The following ZCCHC7 variants were observed in gnomAD, a reference collection of about 807,000 sequenced individuals.
ZCCHC7 encodes zinc finger CCHC-type containing 7.
Under a neutral mutation model 52.0 loss-of-function variants are expected in ZCCHC7, and 35 were observed. The ratio of observed to expected loss-of-function variants is 0.67; its 90% CI spans 0.51 to 0.89. The LOEUF is 0.89. Ranked by LOEUF, ZCCHC7 falls within the 40% of genes least tolerant of loss-of-function variation. The probability of loss-of-function intolerance (pLI) is 0.00; values close to 1 mark genes in which losing one functional copy is unlikely to be tolerated. For missense variants in ZCCHC7, 574 were observed against 649.1 expected (o/e 0.88, Z 1.26); for synonymous variants, 217 against 221.5 (o/e 0.98, Z 0.18).
intron 2 of ZCCHC7, among the ~76,000 whole-genome samples, chr9:37,230,037 A>G (rs1354081662): frequency 2.6e-5 from 4 of 152,180 alleles, no homozygotes; most frequent in African/African-American, 9.7e-5. Flanking sequence ...TTCCACCTCC[A>G]AATCTTGTCC....
intron 2 of ZCCHC7, among the ~76,000 whole-genome samples, chr9:37,294,063 C>T (rs1828665408): frequency 6.6e-6 from 1 of 152,122 alleles, no homozygotes; most frequent in Non-Finnish European, 1.5e-5. Flanking sequence ...ACTATTGCCA[C>T]TTATACAGTG....
At chr9:37,335,337 T>C (rs544829419) in intron 6 of ZCCHC7, among the ~76,000 whole-genome samples, 2 of 152,104 alleles carry the variant, frequency 1.3e-5, no homozygotes, top group Non-Finnish European at 2.9e-5. Context: ...TTTTTTTTTA[T>C]CATAATAGAG....
At chr9:37,192,986 A>T (rs1209714128) in intron 2 of ZCCHC7, among the ~76,000 whole-genome samples, 1 of 152,200 alleles carries the variant, frequency 6.6e-6, no homozygotes, top group East Asian at 1.9e-4. Flanking sequence ...CCATTTAGTC[A>T]TGGGAAGCAC....
chr9:37,319,668 T>C lies in ZCCHC7; in HGVS notation c.952-8131T>C, dbSNP rs57753839. ...CTTGAACTCCTGGACTCAAGCGATC[T>C]GCCTACCTTGGCCTCAAGTGCTGGT... On this transcript the variant is annotated intron_variant, in intron 5 of 8. Coordinates refer to ENST00000336755, the MANE Select transcript of ZCCHC7 (RefSeq NM_032226.3). Among the ~76,000 whole-genome samples the C allele has an allele frequency of 4.4e-3, 663 of 152,278 alleles. 3 individuals are homozygous for C. The highest frequency in any genetic ancestry group is 0.015 in the African/African-American group (634 of 41,538).
At chr9:37,273,632 AATT>A (rs1388621925) in intron 2 of ZCCHC7, among the ~76,000 whole-genome samples, 5 of 152,216 alleles carry the variant, frequency 3.3e-5, no homozygotes, top group African/African-American at 1.2e-4. Flanking sequence ...ATCCTGCAGG[AATT>A]ATTATATGAA....
intron 7 of ZCCHC7, among the ~76,000 whole-genome samples, chr9:37,353,102 G>T (rs892722924): frequency 3.3e-5 from 5 of 152,242 alleles, no homozygotes; most frequent in African/African-American, 1.2e-4. Context: ...AATAAACAAT[G>T]AGTGGAAAGT....
At chr9:37,233,599 C>T (rs1024612739) in intron 2 of ZCCHC7, among the ~76,000 whole-genome samples, 7 of 152,144 alleles carry the variant, frequency 4.6e-5, no homozygotes, top group African/African-American at 1.7e-4. Context: ...TCTTTCCTCA[C>T]CTTGTTTAGT....
At chr9:37,208,016 T>A (rs1454539195) in intron 2 of ZCCHC7, among the ~76,000 whole-genome samples, 1 of 152,202 alleles carries the variant, frequency 6.6e-6, no homozygotes, top group Non-Finnish European at 1.5e-5. Context: ...TCTGTGTTAG[T>A]GGTGTTCACA....
At chr9:37,163,501 G>A (rs1162426087) in intron 2 of ZCCHC7, among the ~76,000 whole-genome samples, 1 of 151,626 alleles carries the variant, frequency 6.6e-6, no homozygotes, top group Non-Finnish European at 1.5e-5. Context: ...CCAAATCCTT[G>A]CTAACCCTAC....
At chr9:37,321,978 A>G (rs1264545442) in intron 5 of ZCCHC7, among the ~76,000 whole-genome samples, 1 of 152,160 alleles carries the variant, frequency 6.6e-6, no homozygotes, top group Non-Finnish European at 1.5e-5. Flanking sequence ...GAAATCACTC[A>G]TGGCAGTTGT....
At chr9:37,344,945 G>A (rs571746102) in intron 6 of ZCCHC7, among the ~76,000 whole-genome samples, 6 of 152,268 alleles carry the variant, frequency 3.9e-5, no homozygotes, top group Admixed American at 6.5e-5. Flanking sequence ...GGCATCCTTC[G>A]ACTTGTATTC....
chr9:37,294,969 A>T (rs1481500464), intron 2 of ZCCHC7, among the ~76,000 whole-genome samples: 1 of 152,224 alleles, frequency 6.6e-6, no homozygotes, highest in Non-Finnish European at 1.5e-5. Context: ...TTCAAAGGAG[A>T]TAGAAATGTT....
intron 3 of ZCCHC7, 87 bp downstream of exon 3, chr9:37,302,318 T>C (rs1829072055): frequency 3.7e-6 from 4 of 1,079,902 alleles, no homozygotes; most frequent in Non-Finnish European, 5.5e-6. Context: ...ATTAATAAGT[T>C]TAAGTGGCTT....
At chr9:37,185,286 A>G (rs566639554) in intron 2 of ZCCHC7, among the ~76,000 whole-genome samples, 79 of 152,246 alleles carry the variant, frequency 5.2e-4, no homozygotes, top group African/African-American at 1.8e-3. Context: ...GTGATCATCT[A>G]CCATCATTTG....
intron 2 of ZCCHC7, among the ~76,000 whole-genome samples, chr9:37,128,779 A>G (rs1300936979): frequency 6.6e-6 from 1 of 152,232 alleles, no homozygotes; most frequent in Non-Finnish European, 1.5e-5. Context: ...AAATGATGTG[A>G]ACTTGTAGTG....
rs568209751 is a variant in ZCCHC7, at chr9:37,335,253, C to G, written c.987+7419C>G. 6.7e-4 allele frequency among the ~76,000 whole-genome samples: 102 copies of G among 152,118 alleles called. 1 individual carries two copies. The highest frequency in any genetic ancestry group is 1.5e-4 in the Non-Finnish European group (10 of 67,986). On this transcript the variant is annotated intron_variant, in intron 6 of 8. Transcript: ENST00000336755. ...TTGTACATTTCCTCCCTGTTTTTAC[C>G]AGGCCTTAGAAAACTGTGCTATACA...
In ZCCHC7 at chr9:37,146,543, A is replaced by G. The variant is rs74593866; in HGVS notation, c.610+19601A>G. Among the ~76,000 whole-genome samples the G allele has an allele frequency of 1.2e-3, 180 of 152,066 alleles. 1 individual carries two copies. The East Asian group carries it at 0.022, about 19-fold the overall frequency. Reference sequence around the variant, plus strand: ...TTATCCCACCCTCGTTTTAAAAACTAAAAACGTGTGGTAGCTGTATTAGTT... The same window carrying G: ...TTATCCCACCCTCGTTTTAAAAACTGAAAACGTGTGGTAGCTGTATTAGTT... On this transcript the variant is annotated intron_variant, in intron 2 of 8. Coordinates refer to ENST00000336755, the MANE Select transcript of ZCCHC7 (RefSeq NM_032226.3).
intron 2 of ZCCHC7, among the ~76,000 whole-genome samples, chr9:37,149,908 A>G (rs958932127): frequency 2.6e-5 from 4 of 152,206 alleles, no homozygotes; most frequent in Non-Finnish European, 5.9e-5. Context: ...AGACGCTGCT[A>G]AAAGAGTCAA....
At chr9:37,150,269 C>T (rs537943242) in intron 2 of ZCCHC7, among the ~76,000 whole-genome samples, 4 of 152,216 alleles carry the variant, frequency 2.6e-5, no homozygotes, top group South Asian at 2.1e-4. Flanking sequence ...ATGTTGAATC[C>T]GTAAGGTTTA....
Sources: allele counts gnomAD v4.1 joint callset (sites outside exome capture counted in the v4.1 genomes callset), GRCh38; gene constraint gnomAD v4.1.1; transcripts MANE v1.5; gene names NCBI Gene and HGNC (gene_info 2026-07-23, HGNC 2026-07-21).